PPIB: variants seen among roughly 807,000 people sequenced by gnomAD.
PPIB encodes peptidylprolyl isomerase B, also known as peptidyl-prolyl cis-trans isomerase B.
In PPIB, 15 loss-of-function variants were observed where a neutral mutation model predicts 20.1. That is an observed-to-expected ratio of 0.75 (90% CI 0.50 to 1.15). The LOEUF is 1.15. PPIB is among the 50% of genes most tolerant of loss of function. The probability of loss-of-function intolerance (pLI) is 0.00; values close to 1 mark genes in which losing one functional copy is unlikely to be tolerated. For missense variants in PPIB, 278 were observed against 283.0 expected, an observed-to-expected ratio of 0.98 and a Z score of 0.13; for synonymous variants, 129 against 111.0, an observed-to-expected ratio of 1.16 and a Z score of -1.02.
chr15:64,156,216 G>A lies in PPIB; in HGVS notation c.529-71C>T, dbSNP rs1489129514. On this transcript the variant is annotated intron_variant, in intron 4 of 4. Transcript: ENST00000300026. This position sits in a 1 kb window ranked among gnomAD's most constrained non-coding sequence, Gnocchi z 6.4. Reference sequence around the variant, plus strand: ...TCCACCGCTCAGGAGAAAGGCCCCAGCGTATGGCTCAGGAGGGCTAAGACC... The same window carrying A: ...TCCACCGCTCAGGAGAAAGGCCCCAACGTATGGCTCAGGAGGGCTAAGACC... 6.3e-7 allele frequency: 1 copy of A among 1,592,466 alleles called. No homozygotes were observed. Among genetic ancestry groups the A allele is most frequent in the Non-Finnish European group, 8.6e-7 (1 of 1,165,554 alleles).
At position 64,156,131 on chromosome 15, in the gene PPIB, C is replaced by T. The variant is rs775006610; in HGVS notation, c.543G>A (p.Lys181=). ...KVLEGMEVVR[K]VESTKTDSRD... is the part of the protein sequence containing the mutation. The stretch of plus-strand genomic sequence containing the variant: ...GGCTGTCTGTCTTGGTGCTCTCCAC[C>T]TTCCGCACCACCTCCTGGAAAAGAA... The change falls in exon 5 of 5, where the codon AAG becomes AAA. Residue 181 remains lysine (K), a synonymous_variant. Coordinates refer to ENST00000300026, the MANE Select transcript of PPIB (RefSeq NM_000942.5). This position sits in a 1 kb window ranked among gnomAD's most constrained non-coding sequence, Gnocchi z 6.4. 1.9e-6 allele frequency: 3 copies of T among 1,614,210 alleles called. No individual in the cohort carries two copies. Among genetic ancestry groups the T allele is most frequent in the Admixed American group, 3.3e-5 (2 of 60,034 alleles).
At chr15:64,162,777 G>T in intron 1 of PPIB, 75 bp downstream of exon 1, 1 of 1,562,646 alleles carries the variant, frequency 6.4e-7, no homozygotes, top group African/African-American at 1.4e-5. Context: ...GAGGGAGGAG[G>T]GGCTGAGCCA....
In PPIB at chr15:64,160,343, A is replaced by G. The variant is rs1480056050; in HGVS notation, c.250-146T>C. Reference sequence around the variant, plus strand: ...CACTTTCACTGTTCAGTGTGCTACTAAGTGAGCGGGCAGGCGCCACAGGAC... The same window carrying G: ...CACTTTCACTGTTCAGTGTGCTACTGAGTGAGCGGGCAGGCGCCACAGGAC... On this transcript the variant is annotated intron_variant, in intron 2 of 4. Transcript: ENST00000300026. This position sits in a 1 kb window ranked among gnomAD's most constrained non-coding sequence, Gnocchi z 4.8. 2 of 730,648 alleles carry G rather than the reference A, an allele frequency of 2.7e-6. No individual in the cohort carries two copies. Among genetic ancestry groups the G allele is most frequent in the African/African-American group, 3.5e-5 (2 of 57,564 alleles). 45.3% of individuals were successfully genotyped at this position (730,648 alleles called of 1,614,324 possible).
rs1325311244 is a variant in PPIB, at chr15:64,159,907, C to T, written c.343+197G>A. On this transcript the variant is annotated intron_variant, in intron 3 of 4. Coordinates refer to ENST00000300026, the MANE Select transcript of PPIB (RefSeq NM_000942.5). This position sits in a 1 kb window ranked among gnomAD's most constrained non-coding sequence, Gnocchi z 5.1. ...ATTCTCTTAGATCTACCATCAGGTC[C>T]ACCCCATTATTCTCTCTCCTTTGTA... The T allele has an allele frequency of 3.1e-6, 2 of 643,474 alleles. No homozygotes were observed. Among genetic ancestry groups the T allele is most frequent in the Admixed American group, 2.4e-5 (1 of 41,376 alleles). 39.9% of individuals were successfully genotyped at this position (643,474 alleles called of 1,614,324 possible).
intron 1 of PPIB, among the ~76,000 whole-genome samples, chr15:64,162,368 C>T (rs1455638724): frequency 2.0e-5 from 3 of 152,190 alleles, no homozygotes; most frequent in African/African-American, 7.2e-5. Flanking sequence ...TCTATACCCT[C>T]CTTGGACTAC....
rs1479835147 is a variant in PPIB, at chr15:64,158,113, A to G, written c.344-1204T>C. Among the ~76,000 whole-genome samples the G allele has an allele frequency of 6.6e-6, 1 of 152,192 alleles. No individual in the cohort carries two copies. Reference sequence around the variant, plus strand: ...GTTCCAAACTCAAATGGACATTTCTATTTAAACTCAACATACCTTGTCATC... The same window carrying G: ...GTTCCAAACTCAAATGGACATTTCTGTTTAAACTCAACATACCTTGTCATC... On this transcript the variant is annotated intron_variant, in intron 3 of 4. Transcript: ENST00000300026. The surrounding 1 kb of genome is among the most constrained non-coding windows in gnomAD (Gnocchi z 4.7).
chr15:64,160,979 A>C lies in PPIB; in HGVS notation c.250-782T>G, dbSNP rs113977805. Among the ~76,000 whole-genome samples, 6,715 of 148,600 alleles carry C rather than the reference A, an allele frequency of 0.045. 191 individuals carry two copies. Among genetic ancestry groups the C allele is most frequent in the South Asian group, 0.087 (408 of 4,690 alleles). On this transcript the variant is annotated intron_variant, in intron 2 of 4. Coordinates refer to ENST00000300026, the MANE Select transcript of PPIB (RefSeq NM_000942.5). This position sits in a 1 kb window ranked among gnomAD's most constrained non-coding sequence, Gnocchi z 4.8. ...TTTTTATTTTTTATTTTTATTTTTG[A>C]GATGGAGTTTCCCTCTTGTTGCCCA...
At position 64,156,076 on chromosome 15, in the gene PPIB, C is replaced by T. The variant is rs1408318644; in HGVS notation, c.598G>A (p.Ala200Thr). ...TCCACCTCGATCTTGCCGCAGTCTG[C>T]GATGATCACATCCTTCAGGGGTTTA... ...RDKPLKDVII[A>T]DCGKIEVEKP... Residue 200 changes from alanine to threonine, a missense_variant, in exon 5 of 5, where the codon GCA (alanine) becomes ACA (threonine). By Grantham distance (58) the Ala-to-Thr change is moderately conservative. Coordinates refer to ENST00000300026, the MANE Select transcript of PPIB (RefSeq NM_000942.5). This position sits in a 1 kb window ranked among gnomAD's most constrained non-coding sequence, Gnocchi z 6.4. The T allele has an allele frequency of 6.2e-6, 10 of 1,614,052 alleles. No individual in the cohort carries two copies. Among genetic ancestry groups the T allele is most frequent in the South Asian group, 1.1e-5 (1 of 91,080 alleles).
Position 64,158,365 on chromosome 15 carries a change from A to G in PPIB, c.344-1456T>C, listed in dbSNP as rs960018493. 6.6e-6 allele frequency among the ~76,000 whole-genome samples: 1 copy of G among 152,208 alleles called. No individual in the cohort carries two copies. The highest frequency in any genetic ancestry group is 6.5e-5 in the Admixed American group (1 of 15,288). On this transcript the variant is annotated intron_variant, in intron 3 of 4. Coordinates refer to ENST00000300026, the MANE Select transcript of PPIB (RefSeq NM_000942.5). This position sits in a 1 kb window ranked among gnomAD's most constrained non-coding sequence, Gnocchi z 4.7. ...AGGAGCTAACTCCACTTCAAAGATG[A>G]AGAAACTGAGGCACAGAGAATAAAA...
At chr15:64,162,826 C>T in intron 1 of PPIB, 26 bp downstream of exon 1, 3 of 1,606,028 alleles carry the variant, frequency 1.9e-6, no homozygotes, top group Admixed American at 1.7e-5. Flanking sequence ...GCTCCGGCAC[C>T]GTAAATGCCG....
rs1036638635 is a variant in PPIB, at chr15:64,159,273, T to G, written c.343+831A>C. ...AGGGAGCAGCAGGCTGTACCTGAGC[T>G]CAGTGAGACTCATGCAGGCGTCCGG... On this transcript the variant is annotated intron_variant, in intron 3 of 4. Coordinates refer to ENST00000300026, the MANE Select transcript of PPIB (RefSeq NM_000942.5). This position sits in a 1 kb window ranked among gnomAD's most constrained non-coding sequence, Gnocchi z 5.1. 2 of 152,530 alleles carry G rather than the reference T, an allele frequency of 1.3e-5. No individual in the cohort carries two copies. Among genetic ancestry groups the G allele is most frequent in the Non-Finnish European group, 2.9e-5 (2 of 68,216 alleles). The allele number at this position is 152,530 out of a possible 1,614,324, so 9.4% of individuals were successfully genotyped here. A position where few individuals can be genotyped will look rare whatever the true frequency, so the allele number is the denominator to read the frequency against.
At position 64,156,939 on chromosome 15, in the gene PPIB, C is replaced by T. The variant is rs759224509; in HGVS notation, c.344-30G>A. 34 of 1,609,310 alleles carry T rather than the reference C, an allele frequency of 2.1e-5. No individual in the cohort carries two copies. The East Asian group carries it at 2.5e-4, about 12-fold the overall frequency. On this transcript the variant is annotated intron_variant, in intron 3 of 4. Transcript: ENST00000300026. This position sits in a 1 kb window ranked among gnomAD's most constrained non-coding sequence, Gnocchi z 6.4. ...GAAAAAAGACAGAGCAGGTCAGGGG[C>T]GCTGGATTGCGCCAAACCAAGCAGA...
intron 1 of PPIB, 86 bp downstream of exon 1, chr15:64,162,766 C>G: frequency 6.4e-7 from 1 of 1,553,356 alleles, no homozygotes; most frequent in Middle Eastern, 2.2e-4. Context: ...AGACAGAAGC[C>G]GAGGGAGGAG....
In PPIB at chr15:64,160,046, C is replaced by T; in HGVS notation, c.343+58G>A. On this transcript the variant is annotated intron_variant, in intron 3 of 4. Coordinates refer to ENST00000300026, the MANE Select transcript of PPIB (RefSeq NM_000942.5). The surrounding 1 kb of genome is among the most constrained non-coding windows in gnomAD (Gnocchi z 4.8). Reference sequence around the variant, plus strand: ...GCCTGGTCTCCCCAGCAGAACCTGGCCCTCCCACTGTGGAGGCTACACTGA... The same window carrying T: ...GCCTGGTCTCCCCAGCAGAACCTGGTCCTCCCACTGTGGAGGCTACACTGA... 6.9e-7 allele frequency: 1 copy of T among 1,439,256 alleles called. No individual in the cohort carries two copies. The highest frequency in any genetic ancestry group is 9.8e-7 in the Non-Finnish European group (1 of 1,021,186). 89.2% of individuals were successfully genotyped at this position (1,439,256 alleles called of 1,614,324 possible).
chr15:64,156,286 AAC>A lies in PPIB; in HGVS notation c.529-143_529-142del, dbSNP rs1412896927. 3 of 1,079,046 alleles carry A rather than the reference AAC, an allele frequency of 2.8e-6. No homozygotes were observed. In the African/African-American group the frequency reaches 4.7e-5, roughly 17 times the overall value. The allele number at this position is 1,079,046 out of a possible 1,614,324, so 66.8% of individuals were successfully genotyped here. ...ACAAAACTGGAGGCACCAAAATTCT[AAC>A]AGACTCCTGGCCAGAGCAGGGAGAA... is the stretch of plus-strand genomic sequence containing the variant. On this transcript the variant is annotated intron_variant, in intron 4 of 4. Transcript: ENST00000300026. The surrounding 1 kb of genome is among the most constrained non-coding windows in gnomAD (Gnocchi z 6.4).
rs761009219 is a variant in PPIB, at chr15:64,160,248, C to T, written c.250-51G>A. 2.1e-6 allele frequency: 3 copies of T among 1,446,286 alleles called. No individual in the cohort carries two copies. The Admixed American group carries it at 5.0e-5, about 24-fold the overall frequency. The allele number at this position is 1,446,286 out of a possible 1,614,324, so 89.6% of individuals were successfully genotyped here. Reference sequence around the variant, plus strand: ...GAGGTGGTATGGGGCAGCAGGAAGACATTACATTAAATAGGCCTCACAGGA... The same window carrying T: ...GAGGTGGTATGGGGCAGCAGGAAGATATTACATTAAATAGGCCTCACAGGA... On this transcript the variant is annotated intron_variant, in intron 2 of 4. Transcript: ENST00000300026. This position sits in a 1 kb window ranked among gnomAD's most constrained non-coding sequence, Gnocchi z 4.8.
chr15:64,155,883 T>C lies in PPIB; in HGVS notation c.*140A>G. ...TGTTGGTAGGAGTTTGTTACAAAAG[T>C]GAGTCCATGGGCCTGTGGAATGTGA... On this transcript the variant is annotated 3_prime_UTR_variant, in exon 5 of 5. Transcript: ENST00000300026. 1 of 1,291,214 alleles carries C rather than the reference T, an allele frequency of 7.7e-7. No individual in the cohort carries two copies. The allele number at this position is 1,291,214 out of a possible 1,614,324, so 80.0% of individuals were successfully genotyped here.
In PPIB at chr15:64,163,011, C is replaced by T. The variant is rs772067068; in HGVS notation, c.-25G>A. On this transcript the variant is annotated 5_prime_UTR_variant, in exon 1 of 5. Coordinates refer to ENST00000300026, the MANE Select transcript of PPIB (RefSeq NM_000942.5). ...TCCACAGGCGGAGGCGAAAGCAGCC[C>T]GGACAGCTGAGGCCGGAAGAGGGTG... 2 of 1,570,082 alleles carry T rather than the reference C, an allele frequency of 1.3e-6. No homozygotes were observed. Among genetic ancestry groups the T allele is most frequent in the Admixed American group, 1.7e-5 (1 of 58,494 alleles).
rs1266129787 is a variant in PPIB at position 64,162,979 on chromosome 15, C to A, written c.8G>T (p.Arg3Leu). The change falls in exon 1 of 5, where the codon CGC becomes CTC. Residue 3 changes from arginine (R) to leucine (L), a missense_variant. Arg to Leu is a moderately radical substitution (Grantham distance 102). Coordinates refer to ENST00000300026, the MANE Select transcript of PPIB (RefSeq NM_000942.5). ML[R>L]LSERNMKVLL... is the part of the protein sequence containing the mutation. ...CACCTTCATGTTGCGTTCGGAGAGG[C>A]GCAGCATCCACAGGCGGAGGCGAAA... The A allele has an allele frequency of 6.2e-7, 1 of 1,613,044 alleles. No homozygotes were observed.
Sources: gnomAD v4.1 joint callset for allele counts (sites outside exome capture counted in the v4.1 genomes callset) on GRCh38, gnomAD v4.1.1 for gene constraint, Gnocchi (gnomAD v3.1) non-coding constraint, MANE v1.5 for transcripts, NCBI Gene and HGNC (gene_info 2026-07-23, HGNC 2026-07-21) for gene names.